GLYATL1: variants seen among roughly 807,000 people sequenced by gnomAD.
GLYATL1 encodes the protein glycine N-acyltransferase-like protein 1.
Under a neutral mutation model 20.0 loss-of-function variants are expected in GLYATL1, and 15 were observed. That is an observed-to-expected ratio of 0.75 (90% CI 0.50 to 1.15). The LOEUF is 1.15. GLYATL1 is among the 50% of genes most tolerant of loss of function. The probability of loss-of-function intolerance (pLI) is 0.00; values close to 1 mark genes in which losing one functional copy is unlikely to be tolerated. For missense variants in GLYATL1, 380 were observed against 368.5 expected, an observed-to-expected ratio of 1.03 and a Z score of -0.26; for synonymous variants, 151 against 131.5, an observed-to-expected ratio of 1.15 and a Z score of -1.01.
intron 1 of GLYATL1, among the ~76,000 whole-genome samples, chr11:58,921,066 T>G (rs1478517474): frequency 2.0e-5 from 3 of 152,220 alleles, no homozygotes; most frequent in African/African-American, 7.2e-5. Context: ...TGATTGTTTT[T>G]AAGGCCTTCT....
At chr11:58,947,617 C>A in intron 3 of GLYATL1, 1 of 528,656 alleles carries the variant, frequency 1.9e-6, no homozygotes, top group Non-Finnish European at 3.4e-6. Flanking sequence ...TGCCAAGTGC[C>A]CAGCTAGTAC....
chr11:58,920,952 A>G (rs1489036961), intron 1 of GLYATL1, among the ~76,000 whole-genome samples: 2 of 152,182 alleles, frequency 1.3e-5, no homozygotes, highest in Non-Finnish European at 2.9e-5. Flanking sequence ...CTATGACTTG[A>G]GTCAGGACTC....
intron 1 of GLYATL1, among the ~76,000 whole-genome samples, chr11:58,906,592 T>C (rs776685845): frequency 7.2e-5 from 11 of 152,182 alleles, no homozygotes; most frequent in Admixed American, 3.3e-4. Flanking sequence ...AGTCTCATTC[T>C]TTCTGTTGCA....
At position 58,939,547 on chromosome 11, in the gene GLYATL1, CTG is replaced by C. The variant is rs1253014100; in HGVS notation, c.-269_-268del. On this transcript the variant is annotated 5_prime_UTR_variant, in exon 1 of 7. The change abolishes the stop of an existing upstream ORF in the 5' untranslated region. Transcript: ENST00000532726. ...TAAGCAGCTGCTTACCCAATTTTGG[CTG>C]GAGAGATAAGTACCCTCTGGGGCCA... The C allele has an allele frequency of 3.3e-5, 5 of 152,198 alleles. No individual in the cohort carries two copies. Among genetic ancestry groups the C allele is most frequent in the Non-Finnish European group, 5.9e-5 (4 of 68,050 alleles). The allele number at this position is 152,198 out of a possible 1,614,324, so 9.4% of individuals were successfully genotyped here. A position where few individuals can be genotyped will look rare whatever the true frequency, so the allele number is the denominator to read the frequency against.
chr11:58,945,819 C>A (rs1453196989), intron 2 of GLYATL1, among the ~76,000 whole-genome samples: 1 of 152,050 alleles, frequency 6.6e-6, no homozygotes, highest in African/African-American at 2.4e-5. Context: ...ACTAAAAGTT[C>A]CTTGGGTATT....
downstream of GLYATL1, among the ~76,000 whole-genome samples, chr11:58,913,033 A>C (rs1444367826): frequency 6.6e-6 from 1 of 152,174 alleles, no homozygotes; most frequent in Non-Finnish European, 1.5e-5. Context: ...GTGAGTACAC[A>C]AGCCCTGAGA....
chr11:58,929,658 G>A (rs952939288), intron 1 of GLYATL1, among the ~76,000 whole-genome samples: 2 of 152,064 alleles, frequency 1.3e-5, no homozygotes, highest in African/African-American at 4.8e-5. Flanking sequence ...AGACCTCCAG[G>A]GATTGTTCCT....
chr11:58,939,160 G>A (rs1322066639), upstream of GLYATL1, among the ~76,000 whole-genome samples: 2 of 152,104 alleles, frequency 1.3e-5, no homozygotes, highest in Non-Finnish European at 2.9e-5. Flanking sequence ...AAGTATCAAA[G>A]AATTGAAACT....
At chr11:58,943,006 T>A (rs551204929) in intron 1 of GLYATL1, among the ~76,000 whole-genome samples, 12 of 152,290 alleles carry the variant, frequency 7.9e-5, no homozygotes, top group African/African-American at 2.6e-4. Context: ...TTTTAAAAAG[T>A]GTTTCAGTAG....
chr11:58,908,743 A>G (rs372599243), downstream of GLYATL1: 2 of 152,340 alleles, frequency 1.3e-5, no homozygotes, highest in East Asian at 3.9e-4. Flanking sequence ...ACAATGATAA[A>G]CATGTCTTAA....
intron 1 of GLYATL1, chr11:58,943,220 T>G (rs1856296553): frequency 1.4e-6 from 2 of 1,447,164 alleles, no homozygotes; most frequent in Admixed American, 5.6e-5. Context: ...AAAACCTAAT[T>G]TAGTAGTGTG....
chr11:58,918,643 A>C (rs542414692), intron 1 of GLYATL1, among the ~76,000 whole-genome samples: 1 of 152,222 alleles, frequency 6.6e-6, no homozygotes, highest in African/African-American at 2.4e-5. Context: ...GGGGTTGGCC[A>C]AAGCAACAGA....
Position 58,955,936 on chromosome 11 carries a change from C to T in GLYATL1, c.818C>T (p.Ser273Phe), listed in dbSNP as rs762979843. ...YISVLEENEDSRRFVGQFGFF... is the reference protein window; with the variant it reads ...YISVLEENEDFRRFVGQFGFF... ...TCTGTGTTGGAAGAAAATGAAGACT[C>T]CCGCAGATTTGTGGGGCAGTTTGGT... The change falls in exon 7 of 7, where the codon TCC (serine) becomes TTC (phenylalanine). Residue 273 changes from serine to phenylalanine, a missense_variant. Transcript: ENST00000532726. 30 of 1,614,064 alleles carry T rather than the reference C, an allele frequency of 1.9e-5. No homozygotes were observed. The South Asian group carries it at 2.2e-4, about 12-fold the overall frequency.
At chr11:58,947,413 T>C in intron 3 of GLYATL1, 1 of 548,882 alleles carries the variant, frequency 1.8e-6, no homozygotes, top group Non-Finnish European at 3.2e-6. Flanking sequence ...CGAACATGGT[T>C]TGGAGCCTGT....
rs1475688200 is a variant in GLYATL1, at chr11:58,955,850, G to C, written c.732G>C (p.Met244Ile). ...AAAAATACCGAAGGACAGGCAACAT[G>C]GCACGAGTGATGGTGCGATACATGA... ...SMEKYRRTGN[M>I]ARVMVRYMKY... Residue 244 changes from methionine to isoleucine, a missense_variant, in exon 7 of 7, where the codon ATG becomes ATC. Coordinates refer to ENST00000532726, the MANE Select transcript of GLYATL1 (RefSeq NM_001389712.2). The C allele has an allele frequency of 1.9e-6, 3 of 1,614,192 alleles. No homozygotes were observed. Among genetic ancestry groups the C allele is most frequent in the Non-Finnish European group, 2.5e-6 (3 of 1,180,046 alleles).
At chr11:58,938,025 C>T (rs1038681688), upstream of GLYATL1, among the ~76,000 whole-genome samples, 7 of 152,106 alleles carry the variant, frequency 4.6e-5, no homozygotes, top group African/African-American at 1.7e-4. Context: ...ATGAAGTACA[C>T]CAACACGTAA....
intron 1 of GLYATL1, among the ~76,000 whole-genome samples, chr11:58,930,836 C>G (rs1024734904): frequency 1.3e-5 from 2 of 152,150 alleles, no homozygotes; most frequent in Non-Finnish European, 2.9e-5. Flanking sequence ...AGAGTAGAGA[C>G]AGACTCACGA....
At position 58,955,975 on chromosome 11, in the gene GLYATL1, C is replaced by T. The variant is rs755424489; in HGVS notation, c.857C>T (p.Ser286Phe). 1 of 1,613,880 alleles carries T rather than the reference C, an allele frequency of 6.2e-7. No homozygotes were observed. Among genetic ancestry groups the T allele is most frequent in the Non-Finnish European group, 8.5e-7 (1 of 1,179,758 alleles). Reference sequence around the variant, plus strand: ...GGGCAGTTTGGTTTCTTTGAGGCCTCCTGTGAGTGGCACCAATGGACTTGC... The same window carrying T: ...GGGCAGTTTGGTTTCTTTGAGGCCTTCTGTGAGTGGCACCAATGGACTTGC... Reference protein sequence around the residue: ...FVGQFGFFEASCEWHQWTCYP... With the variant: ...FVGQFGFFEAFCEWHQWTCYP... Residue 286 changes from serine (S) to phenylalanine (F), a missense_variant, in exon 7 of 7, where the codon TCC (serine) becomes TTC (phenylalanine). Physicochemically the swap from Ser to Phe is radical, Grantham distance 155. Coordinates refer to ENST00000532726, the MANE Select transcript of GLYATL1 (RefSeq NM_001389712.2).
chr11:58,911,084 C>T (rs537386473), downstream of GLYATL1, among the ~76,000 whole-genome samples: 3 of 152,216 alleles, frequency 2.0e-5, no homozygotes, highest in South Asian at 4.1e-4. Context: ...TGAATTATAC[C>T]CTTTGAGCAT....
Sources: allele counts gnomAD v4.1 joint callset (sites outside exome capture counted in the v4.1 genomes callset), GRCh38; gene constraint gnomAD v4.1.1; transcripts MANE v1.5; gene names NCBI Gene and HGNC (gene_info 2026-07-23, HGNC 2026-07-21).